CLSTN2: variants seen among roughly 807,000 people sequenced by gnomAD.
The protein encoded by CLSTN2 is calsyntenin 2, also known as calsyntenin-2.
Under a neutral mutation model 101.2 loss-of-function variants are expected in CLSTN2, and 48 were observed. That is an observed-to-expected ratio of 0.47 (90% CI 0.38 to 0.60). CLSTN2 has a LOEUF of 0.60. Ranked by LOEUF, CLSTN2 falls within the 20% of genes least tolerant of loss-of-function variation. The pLI is 0.00. For synonymous variants in CLSTN2, 481 were observed against 463.6 expected (o/e 1.04, Z -0.48); for missense variants, 1,160 against 1,238.2 (o/e 0.94, Z 0.95).
In CLSTN2 at chr3:139,955,764, A is replaced by G. The variant is rs532583673; in HGVS notation, c.109+20281A>G. ...TTTGTTCCTGACCTTGACATTAGCTACAGTGGTCTCTATGCTCTGAGAGAG... is the reference window on the plus strand; with the variant it reads ...TTTGTTCCTGACCTTGACATTAGCTGCAGTGGTCTCTATGCTCTGAGAGAG... On this transcript the variant is annotated intron_variant, in intron 1 of 16. Transcript: ENST00000458420. Among the ~76,000 whole-genome samples the G allele has an allele frequency of 4.6e-5, 7 of 152,252 alleles. 1 individual carries two copies. The highest frequency in any genetic ancestry group is 4.6e-4 in the Admixed American group (7 of 15,302).
intron 2 of CLSTN2, among the ~76,000 whole-genome samples, chr3:140,359,472 AAGG>A (rs2087705437): frequency 6.6e-6 from 1 of 152,228 alleles, no homozygotes; most frequent in South Asian, 2.1e-4. Context: ...CACATTAAGA[AAGG>A]AGAAGGAAAA....
intron 2 of CLSTN2, among the ~76,000 whole-genome samples, chr3:140,293,861 A>G (rs982283815): frequency 6.6e-6 from 1 of 152,076 alleles, no homozygotes. Context: ...CTTTGTCTAC[A>G]CTATATTCTT....
At chr3:140,506,459 C>A (rs2107765108) in intron 8 of CLSTN2, among the ~76,000 whole-genome samples, 1 of 152,290 alleles carries the variant, frequency 6.6e-6, no homozygotes, top group Non-Finnish European at 1.5e-5. Context: ...GCCCTCCCCT[C>A]ACCTTCTCTT....
At chr3:140,351,052 G>A (rs1435853350) in intron 2 of CLSTN2, among the ~76,000 whole-genome samples, 1 of 152,164 alleles carries the variant, frequency 6.6e-6, no homozygotes, top group Non-Finnish European at 1.5e-5. Context: ...CAGAGAGAGA[G>A]GCCAGTAAGA....
intron 1 of CLSTN2, among the ~76,000 whole-genome samples, chr3:140,173,157 A>G (rs148005986): frequency 0.01 from 1,594 of 152,352 alleles, 30 homozygotes; most frequent in African/African-American, 0.036. Flanking sequence ...TTTCCTAGAT[A>G]CAATGGGGAT....
rs1045811020 is a variant in CLSTN2, at chr3:140,346,858, T to C, written c.233-56771T>C. On this transcript the variant is annotated intron_variant, in intron 2 of 16. Coordinates refer to ENST00000458420, the MANE Select transcript of CLSTN2 (RefSeq NM_022131.3). ...GTAGATGCTCCAGAGTCTGGAATAA[T>C]GGTTAATATTGGGAACTTGCATCTC... Among the ~76,000 whole-genome samples, 27 of 152,158 alleles carry C rather than the reference T, an allele frequency of 1.8e-4. 2 individuals carry two copies. The highest frequency in any genetic ancestry group is 1.5e-5 in the Non-Finnish European group (1 of 68,026).
At chr3:139,977,102 C>T (rs1057348685) in intron 1 of CLSTN2, among the ~76,000 whole-genome samples, 1 of 152,174 alleles carries the variant, frequency 6.6e-6, no homozygotes, top group African/African-American at 2.4e-5. Context: ...CCTGCCAGTG[C>T]TAGCATTTGA....
chr3:140,215,105 C>T (rs561978975), intron 2 of CLSTN2, among the ~76,000 whole-genome samples: 1 of 152,304 alleles, frequency 6.6e-6, no homozygotes, highest in South Asian at 2.1e-4. Flanking sequence ...TCTGCCTTTA[C>T]TCTGATGTAT....
intron 8 of CLSTN2, among the ~76,000 whole-genome samples, chr3:140,511,745 G>GAT (rs1252425048): frequency 6.7e-6 from 1 of 149,918 alleles, no homozygotes; most frequent in East Asian, 2.0e-4. Flanking sequence ...TTTTAGTAGA[G>GAT]ATGGGGTTTC....
intron 2 of CLSTN2, among the ~76,000 whole-genome samples, chr3:140,312,915 G>T (rs1464700967): frequency 1.3e-5 from 2 of 152,212 alleles, no homozygotes; most frequent in Non-Finnish European, 2.9e-5. Context: ...TGTCTGCAAA[G>T]GTCTTCGACC....
chr3:140,570,956 G>C lies in CLSTN2; in HGVS notation c.*4703G>C, dbSNP rs771958387. The C allele has an allele frequency of 6.6e-6, 1 of 152,240 alleles. No homozygotes were observed. The highest frequency in any genetic ancestry group is 1.5e-5 in the Non-Finnish European group (1 of 68,052). 9.4% of individuals were successfully genotyped at this position (152,240 alleles called of 1,614,324 possible). On this transcript the variant is annotated 3_prime_UTR_variant, in exon 17 of 17. Coordinates refer to ENST00000458420, the MANE Select transcript of CLSTN2 (RefSeq NM_022131.3). Reference sequence around the variant, plus strand: ...AGTTTTTAATTAAGCTGTTTTAAAAGTCCATGTTCCGGGGGAAAACAAAAA... The same window carrying C: ...AGTTTTTAATTAAGCTGTTTTAAAACTCCATGTTCCGGGGGAAAACAAAAA...
At chr3:140,323,801 A>C (rs1221522736) in intron 2 of CLSTN2, among the ~76,000 whole-genome samples, 1 of 152,220 alleles carries the variant, frequency 6.6e-6, no homozygotes, top group Non-Finnish European at 1.5e-5. Flanking sequence ...ATTTAATAAG[A>C]AGTCTGGCTG....
chr3:140,068,370 A>G (rs1234380152), intron 1 of CLSTN2, among the ~76,000 whole-genome samples: 1 of 152,226 alleles, frequency 6.6e-6, no homozygotes. Flanking sequence ...TTCTTATAAG[A>G]CCTAGAGAAA....
At chr3:140,347,183 A>T (rs1018663653) in intron 2 of CLSTN2, among the ~76,000 whole-genome samples, 1 of 152,222 alleles carries the variant, frequency 6.6e-6, no homozygotes, top group Non-Finnish European at 1.5e-5. Context: ...TGAAACATGG[A>T]GTAAAATGTG....
At chr3:140,111,032 A>G (rs1469941823) in intron 1 of CLSTN2, among the ~76,000 whole-genome samples, 18 of 152,166 alleles carry the variant, frequency 1.2e-4, no homozygotes, top group Admixed American at 1.2e-3. Context: ...TATTGTTCTC[A>G]GGAGAAGAAG....
intron 1 of CLSTN2, among the ~76,000 whole-genome samples, chr3:139,970,743 G>T (rs1054012256): frequency 6.6e-6 from 1 of 152,228 alleles, no homozygotes; most frequent in African/African-American, 2.4e-5. Flanking sequence ...CTGACCAGGT[G>T]CTGAAATTGT....
At chr3:140,456,770 G>A (rs1382900950) in intron 6 of CLSTN2, among the ~76,000 whole-genome samples, 2 of 151,476 alleles carry the variant, frequency 1.3e-5, no homozygotes, top group Admixed American at 1.3e-4. Flanking sequence ...CTGGGCGAGA[G>A]CAAGAGTCCG....
At chr3:140,285,895 A>C (rs2086891460) in intron 2 of CLSTN2, among the ~76,000 whole-genome samples, 1 of 152,134 alleles carries the variant, frequency 6.6e-6, no homozygotes, top group Non-Finnish European at 1.5e-5. Flanking sequence ...CAAGTAGAAC[A>C]CTCAGGTTGG....
intron 2 of CLSTN2, among the ~76,000 whole-genome samples, chr3:140,312,157 C>T (rs138356616): frequency 6.6e-6 from 1 of 152,328 alleles, no homozygotes; most frequent in East Asian, 1.9e-4. Flanking sequence ...CTAAGGTCTT[C>T]TCCCAGTAGC....
Sources: gnomAD v4.1 joint callset for allele counts (sites outside exome capture counted in the v4.1 genomes callset) on GRCh38, gnomAD v4.1.1 for gene constraint, MANE v1.5 for transcripts, NCBI Gene and HGNC (gene_info 2026-07-23, HGNC 2026-07-21) for gene names.